AGBL1: variants seen among roughly 807,000 people sequenced by gnomAD.
AGBL1 encodes the protein cytosolic carboxypeptidase 4.
A neutral mutation model predicts 118.9 loss-of-function variants in AGBL1; 130 were observed. The ratio of observed to expected loss-of-function variants is 1.09; its 90% CI spans 0.95 to 1.26. The LOEUF (loss-of-function observed/expected upper bound fraction) is 1.26. Ranked by LOEUF, AGBL1 falls within the 50% of genes most tolerant of loss-of-function variation. The pLI, the probability that AGBL1 is intolerant of heterozygous loss-of-function variation, is 0.00. For synonymous variants in AGBL1, 555 were observed against 478.9 expected (o/e 1.16, Z -2.08); for missense variants, 1,584 against 1,298.1 (o/e 1.22, Z -3.38).
At chr15:87,009,305 G>C (rs1436816289) in intron 24 of AGBL1, among the ~76,000 whole-genome samples, 1 of 152,052 alleles carries the variant, frequency 6.6e-6, no homozygotes, top group Non-Finnish European at 1.5e-5. Flanking sequence ...TTTCTTCAGA[G>C]GGTGAAAGCC....
At chr15:86,644,320 G>A (rs910596718) in intron 21 of AGBL1, among the ~76,000 whole-genome samples, 9 of 151,944 alleles carry the variant, frequency 5.9e-5, no homozygotes, top group Non-Finnish European at 1.0e-4. Flanking sequence ...ATTGCTTGAG[G>A]CCAGGAGTTG....
At chr15:86,550,779 A>G (rs1379287072) in intron 20 of AGBL1, among the ~76,000 whole-genome samples, 1 of 152,038 alleles carries the variant, frequency 6.6e-6, no homozygotes, top group African/African-American at 2.4e-5. Context: ...AAAAGAATGT[A>G]TATTCTTTTT....
intron 22 of AGBL1, among the ~76,000 whole-genome samples, chr15:86,681,127 ACCT>A (rs1185804101): frequency 6.6e-6 from 1 of 151,562 alleles, no homozygotes; most frequent in Non-Finnish European, 1.5e-5. Context: ...CTGTTTTCTC[ACCT>A]CTGTATCTGT....
intron 5 of AGBL1, among the ~76,000 whole-genome samples, chr15:86,177,857 C>A (rs530587784): frequency 5.5e-4 from 83 of 152,076 alleles, no homozygotes; most frequent in African/African-American, 2.0e-3. Flanking sequence ...AATCAACAAC[C>A]TCAGCTTCCA....
At chr15:86,764,281 G>A (rs1021015433) in intron 22 of AGBL1, among the ~76,000 whole-genome samples, 1 of 152,024 alleles carries the variant, frequency 6.6e-6, no homozygotes, top group African/African-American at 2.4e-5. Flanking sequence ...GCTAAGTACC[G>A]GGTGATACAA....
chr15:86,111,693 TCTTA>T (rs1897393495), intron 1 of AGBL1, among the ~76,000 whole-genome samples: 1 of 152,186 alleles, frequency 6.6e-6, no homozygotes, highest in Admixed American at 6.5e-5. Context: ...AAAGGCATGC[TCTTA>T]CTTGTTAACA....
chr15:86,182,845 C>T (rs11632203), intron 5 of AGBL1, among the ~76,000 whole-genome samples: 63,186 of 151,874 alleles, frequency 0.42, 13,429 homozygotes, highest in African/African-American at 0.46. Flanking sequence ...ACAATTTTAG[C>T]AGTTTACATG....
intron 6 of AGBL1, among the ~76,000 whole-genome samples, chr15:86,228,006 A>G (rs1003905230): frequency 9.2e-5 from 14 of 152,234 alleles, no homozygotes; most frequent in Non-Finnish European, 1.5e-5. Context: ...GGGAGAAGTA[A>G]TAACAGCATG....
intron 5 of AGBL1, among the ~76,000 whole-genome samples, chr15:86,187,458 C>T (rs2077650803): frequency 6.6e-6 from 1 of 152,158 alleles, no homozygotes; most frequent in Admixed American, 6.5e-5. Context: ...TTGAAAATAA[C>T]ATTAGGTCAG....
chr15:86,533,711 C>T (rs1279656056), intron 19 of AGBL1, among the ~76,000 whole-genome samples: 1 of 119,808 alleles, frequency 8.3e-6, no homozygotes, highest in African/African-American at 4.2e-5. Context: ...TGGAACCAAC[C>T]CAAATGTCCA....
At chr15:86,359,480 C>A (rs1026956105) in intron 17 of AGBL1, among the ~76,000 whole-genome samples, 1 of 148,572 alleles carries the variant, frequency 6.7e-6, no homozygotes, top group Admixed American at 6.8e-5. Flanking sequence ...AGTGTAGTGC[C>A]TCCAACTTTT....
intron 22 of AGBL1, among the ~76,000 whole-genome samples, chr15:86,837,877 C>T (rs937380964): frequency 2.0e-5 from 3 of 152,186 alleles, no homozygotes; most frequent in Non-Finnish European, 4.4e-5. Context: ...TGCTAAGAGA[C>T]ACTTAGTTCC....
intron 22 of AGBL1, among the ~76,000 whole-genome samples, chr15:86,769,828 C>T (rs2078148608): frequency 6.6e-6 from 1 of 151,986 alleles, no homozygotes; most frequent in South Asian, 2.1e-4. Context: ...CACCTCATCT[C>T]ATTGCCTCCC....
intron 22 of AGBL1, among the ~76,000 whole-genome samples, chr15:86,712,119 C>G (rs1052170767): frequency 1.3e-5 from 2 of 152,166 alleles, no homozygotes; most frequent in Non-Finnish European, 2.9e-5. Flanking sequence ...GATTTTTATA[C>G]TAACCTAAGC....
intron 22 of AGBL1, among the ~76,000 whole-genome samples, chr15:86,748,510 CTTTTTTTTTTTTTTTTTTTTT>C (rs752203969): frequency 0.054 from 531 of 9,786 alleles, 11 homozygotes; most frequent in African/African-American, 0.11. Flanking sequence ...TCAATTTTGG[CTTTTTTTTTTTTTTTTTTTTT>C]TTTTTTTTTT....
intron 1 of AGBL1, among the ~76,000 whole-genome samples, chr15:86,135,222 G>A (rs889343040): frequency 6.6e-6 from 1 of 152,080 alleles, no homozygotes; most frequent in African/African-American, 2.4e-5. Context: ...TCACTTCCTC[G>A]CTTACCCTGT....
intron 1 of AGBL1, chr15:86,116,694 T>C (rs958881703): frequency 2.6e-5 from 4 of 152,248 alleles, no homozygotes; most frequent in Non-Finnish European, 5.9e-5. Context: ...CTACCCCTGA[T>C]ACCTCAGGTC....
intron 22 of AGBL1, among the ~76,000 whole-genome samples, chr15:86,906,248 C>T (rs1039454301): frequency 6.6e-6 from 1 of 152,218 alleles, no homozygotes; most frequent in African/African-American, 2.4e-5. Flanking sequence ...AAAGAAGGTG[C>T]CTTATGCAAA....
intron 22 of AGBL1, among the ~76,000 whole-genome samples, chr15:86,773,101 TG>T (rs2078205060): frequency 6.6e-6 from 1 of 152,060 alleles, no homozygotes; most frequent in South Asian, 2.1e-4. Context: ...CTTGGCTTTT[TG>T]TCCATGGTTC....
Sources: allele counts gnomAD v4.1 joint callset (sites outside exome capture counted in the v4.1 genomes callset), GRCh38; gene constraint gnomAD v4.1.1; transcripts MANE v1.5; gene names NCBI Gene and HGNC (gene_info 2026-07-23, HGNC 2026-07-21).